Variants in FRZB observed in about 807,000 individuals in gnomAD.
FRZB encodes frizzled related protein, also known as secreted frizzled-related protein 3.
FRZB carries 34 observed loss-of-function variants against 32.5 expected under a neutral mutation model. That is an observed-to-expected ratio of 1.05 (90% CI 0.80 to 1.39). The LOEUF (loss-of-function observed/expected upper bound fraction) is 1.39, where lower values mean the gene tolerates loss of function less well. FRZB is among the 40% of genes most tolerant of loss of function. The pLI, the probability that FRZB is intolerant of heterozygous loss-of-function variation, is 0.00. For missense variants in FRZB, 423 were observed against 424.8 expected (o/e 1.00, Z 0.04); for synonymous variants, 170 against 159.2 (o/e 1.07, Z -0.51).
Position 182,866,462 on chromosome 2 carries a change from G to T in FRZB, c.91C>A (p.Arg31=). ...CGGACGGGCTCACAGGCTGCAGCCC[G>T]AGCCCCGGGCACCCGGAGCAGGCAG... ...ALCLLRVPGA[R]AAACEPVRIP... The change falls in exon 1 of 6, where the codon CGG becomes AGG. Residue 31 remains arginine (R), a synonymous_variant. Coordinates refer to ENST00000295113, the MANE Select transcript of FRZB (RefSeq NM_001463.4). This position sits in a 1 kb window ranked among gnomAD's most constrained non-coding sequence, Gnocchi z 4.5. 6.4e-7 allele frequency: 1 copy of T among 1,566,834 alleles called. No individual in the cohort carries two copies. Among genetic ancestry groups the T allele is most frequent in the South Asian group, 1.2e-5 (1 of 84,164 alleles).
intron 2 of FRZB, among the ~76,000 whole-genome samples, chr2:182,844,909 C>T (rs887808686): frequency 6.6e-6 from 1 of 152,010 alleles, no homozygotes; most frequent in South Asian, 2.1e-4. Flanking sequence ...GGTGACAATG[C>T]CATACTAAAT....
intron 2 of FRZB, among the ~76,000 whole-genome samples, chr2:182,853,346 C>T (rs1174381567): frequency 6.6e-6 from 1 of 152,120 alleles, no homozygotes; most frequent in Non-Finnish European, 1.5e-5. Context: ...ATTACTCTAA[C>T]CATAACTTTG....
chr2:182,840,356 G>A (rs1163968600), intron 3 of FRZB, among the ~76,000 whole-genome samples: 2 of 152,028 alleles, frequency 1.3e-5, no homozygotes, highest in East Asian at 1.9e-4. Context: ...CTGTGCAAAT[G>A]TTCTCAAACT....
rs754894505 is a variant in FRZB, at chr2:182,866,210, C to T, written c.343G>A (p.Ala115Thr). ...AGTATGGGCTCACAGCCCTGCCGGG[C>T]CCGCTCGCACACAGACTTACAGGGC... ...IKPCKSVCER[A>T]RQGCEPILIK... Residue 115 changes from alanine to threonine, a missense_variant, in exon 1 of 6, where the codon GCC becomes ACC. By Grantham distance (58) the Ala-to-Thr change is moderately conservative (BLOSUM62 0). Transcript: ENST00000295113. This position sits in a 1 kb window ranked among gnomAD's most constrained non-coding sequence, Gnocchi z 4.5. 18 of 1,613,478 alleles carry T rather than the reference C, an allele frequency of 1.1e-5. No homozygotes were observed. In the South Asian group the frequency reaches 1.9e-4, roughly 17 times the overall value.
At chr2:182,864,236 C>T (rs73042116) in intron 1 of FRZB, among the ~76,000 whole-genome samples, 14,575 of 152,220 alleles carry the variant, frequency 0.096, 1,401 homozygotes, top group African/African-American at 0.25. Flanking sequence ...AGCCATTAAC[C>T]TTGCCAAACC....
intron 2 of FRZB, among the ~76,000 whole-genome samples, chr2:182,854,784 A>G (rs1432228333): frequency 1.3e-5 from 2 of 152,226 alleles, no homozygotes; most frequent in Non-Finnish European, 2.9e-5. Flanking sequence ...TTGGCCCCAT[A>G]GGAAGGAGCA....
chr2:182,834,613 G>C lies in FRZB; in HGVS notation c.*236C>G, dbSNP rs1695503120. On this transcript the variant is annotated 3_prime_UTR_variant, in exon 6 of 6. Coordinates refer to ENST00000295113, the MANE Select transcript of FRZB (RefSeq NM_001463.4). ...AAAAGAACAGTTTTTCTCATGATTA[G>C]TGAAATAGAAAACTCACAATATACT... 2.1e-6 allele frequency: 1 copy of C among 483,426 alleles called. No individual in the cohort carries two copies. The highest frequency in any genetic ancestry group is 3.8e-5 in the South Asian group (1 of 26,134). 29.9% of individuals were successfully genotyped at this position (483,426 alleles called of 1,614,324 possible).
chr2:182,840,278 C>A (rs946272306), intron 3 of FRZB, among the ~76,000 whole-genome samples: 2 of 152,092 alleles, frequency 1.3e-5, no homozygotes, highest in Non-Finnish European at 2.9e-5. Context: ...AGCTAGCAGG[C>A]ATTTTTGTGT....
intron 3 of FRZB, among the ~76,000 whole-genome samples, chr2:182,839,679 T>C (rs1398414555): frequency 1.3e-5 from 2 of 152,036 alleles, no homozygotes; most frequent in Non-Finnish European, 2.9e-5. Flanking sequence ...TTCTAGTAAA[T>C]GAGCTTTTAA....
chr2:182,852,260 A>T (rs1250274490), intron 2 of FRZB, among the ~76,000 whole-genome samples: 1 of 152,146 alleles, frequency 6.6e-6, no homozygotes, highest in Non-Finnish European at 1.5e-5. Flanking sequence ...CAAAAGTGGG[A>T]GTGGCTGGGC....
At chr2:182,838,075 A>G in intron 4 of FRZB, 64 bp from the exon 5 acceptor site, 2 of 1,252,072 alleles carry the variant, frequency 1.6e-6, no homozygotes, top group South Asian at 1.2e-5. Context: ...AAGTACAAGG[A>G]AACAGTACTT....
chr2:182,866,465 C>A lies in FRZB; in HGVS notation c.88G>T (p.Ala30Ser), dbSNP rs36077496. The A allele has an allele frequency of 0.035, 54,196 of 1,564,568 alleles. 1,096 individuals are homozygous for A. Among genetic ancestry groups the A allele is most frequent in the Non-Finnish European group, 0.041 (47,815 of 1,152,450 alleles). ...AALCLLRVPG[A>S]RAAACEPVRI... ...ACGGGCTCACAGGCTGCAGCCCGAG[C>A]CCCGGGCACCCGGAGCAGGCAGAGA... is the stretch of plus-strand genomic sequence containing the variant. Residue 30 changes from alanine to serine, a missense_variant, in exon 1 of 6, where the codon GCT becomes TCT. By Grantham distance (99) the Ala-to-Ser change is moderately conservative. Transcript: ENST00000295113. The surrounding 1 kb of genome is among the most constrained non-coding windows in gnomAD (Gnocchi z 4.5).
Position 182,866,479 on chromosome 2 carries a change from A to G in FRZB, c.74T>C (p.Leu25Pro), listed in dbSNP as rs771387192. The change falls in exon 1 of 6, where the codon CTC becomes CCC. Residue 25 changes from leucine (L) to proline (P), a missense_variant. Physicochemically the swap from Leu to Pro is moderately conservative, Grantham distance 98. Transcript: ENST00000295113. This position sits in a 1 kb window ranked among gnomAD's most constrained non-coding sequence, Gnocchi z 4.5. Reference sequence around the variant, plus strand: ...TGCAGCCCGAGCCCCGGGCACCCGGAGCAGGCAGAGAGCAGCCAGGGCAAG... The same window carrying G: ...TGCAGCCCGAGCCCCGGGCACCCGGGGCAGGCAGAGAGCAGCCAGGGCAAG... ...GLLALAALCL[L>P]RVPGARAAAC... 1.2e-5 allele frequency: 18 copies of G among 1,555,598 alleles called. No homozygotes were observed. The highest frequency in any genetic ancestry group is 1.3e-5 in the Non-Finnish European group (15 of 1,149,094).
chr2:182,842,865 G>A (rs756107218), intron 2 of FRZB, among the ~76,000 whole-genome samples: 1 of 152,154 alleles, frequency 6.6e-6, no homozygotes, highest in Non-Finnish European at 1.5e-5. Context: ...TATGCTTATG[G>A]AAGTATTAAT....
At chr2:182,856,721 A>C (rs1403757356) in intron 2 of FRZB, among the ~76,000 whole-genome samples, 2 of 152,142 alleles carry the variant, frequency 1.3e-5, no homozygotes, top group Non-Finnish European at 2.9e-5. Context: ...ATTACCAAGG[A>C]TAAAAGGACA....
At chr2:182,856,969 G>T (rs568687017) in intron 2 of FRZB, among the ~76,000 whole-genome samples, 1 of 151,960 alleles carries the variant, frequency 6.6e-6, no homozygotes, top group Admixed American at 6.6e-5. Context: ...AAATTGAATT[G>T]ACATTTAAAG....
chr2:182,859,075 T>G (rs767025457), intron 1 of FRZB, among the ~76,000 whole-genome samples: 6 of 152,032 alleles, frequency 3.9e-5, no homozygotes, highest in Non-Finnish European at 8.8e-5. Context: ...TGCATAAAAT[T>G]TTAGAATTTA....
chr2:182,843,701 G>GA (rs200431664), intron 2 of FRZB, among the ~76,000 whole-genome samples: 2 of 151,872 alleles, frequency 1.3e-5, no homozygotes, highest in African/African-American at 4.8e-5. Context: ...CATGGTGGGG[G>GA]AAAAAAAATT....
intron 2 of FRZB, among the ~76,000 whole-genome samples, chr2:182,849,157 G>A (rs1182784463): frequency 1.3e-5 from 2 of 152,048 alleles, no homozygotes; most frequent in South Asian, 2.1e-4. Flanking sequence ...AACCCGGGGG[G>A]TGGAGCTTGC....
Sources: gnomAD v4.1 joint callset for allele counts (sites outside exome capture counted in the v4.1 genomes callset) on GRCh38, gnomAD v4.1.1 for gene constraint, Gnocchi (gnomAD v3.1) non-coding constraint, MANE v1.5 for transcripts, NCBI Gene and HGNC (gene_info 2026-07-23, HGNC 2026-07-21) for gene names.